Variants in PCDH9 observed in about 807,000 individuals in gnomAD.
PCDH9 encodes protocadherin 9, also known as protocadherin-9.
A neutral mutation model predicts 70.6 loss-of-function variants in PCDH9; 24 were observed. The ratio of observed to expected loss-of-function variants is 0.34; its 90% CI spans 0.25 to 0.48. PCDH9 has a LOEUF of 0.48. Among genes scored for constraint, PCDH9 ranks in the 20% least tolerant of loss-of-function variants. The pLI is 0.99. For missense variants in PCDH9, 1,281 were observed against 1,503.6 expected (o/e 0.85, Z 2.45); for synonymous variants, 562 against 558.5 (o/e 1.01, Z -0.09).
intron 2 of PCDH9, among the ~76,000 whole-genome samples, chr13:66,955,868 G>A (rs1566318595): frequency 3.9e-5 from 6 of 152,120 alleles, no homozygotes. Context: ...AGGTGTGGTG[G>A]CTCACTTCAG....
chr13:66,755,478 T>C (rs2079526073), intron 3 of PCDH9, among the ~76,000 whole-genome samples: 1 of 152,196 alleles, frequency 6.6e-6, no homozygotes, highest in Admixed American at 6.5e-5. Flanking sequence ...AAATTCATTA[T>C]CTTTCCACTG....
chr13:66,874,143 G>A (rs2081753132), intron 3 of PCDH9, among the ~76,000 whole-genome samples: 1 of 151,682 alleles, frequency 6.6e-6, no homozygotes, highest in Non-Finnish European at 1.5e-5. Context: ...ATTTCTCCAT[G>A]AAATTTCTTA....
At chr13:66,969,340 A>G (rs773882996) in intron 2 of PCDH9, among the ~76,000 whole-genome samples, 16 of 152,098 alleles carry the variant, frequency 1.1e-4, no homozygotes, top group Non-Finnish European at 2.1e-4. Flanking sequence ...ATATGTGGAC[A>G]CTTTCCATTT....
At chr13:66,561,328 C>T (rs139787323) in intron 4 of PCDH9, among the ~76,000 whole-genome samples, 5 of 152,314 alleles carry the variant, frequency 3.3e-5, no homozygotes, top group South Asian at 2.1e-4. Context: ...GCTCCTGTGC[C>T]GCCCGAGCCT....
At chr13:66,415,848 A>C (rs914147107) in intron 4 of PCDH9, among the ~76,000 whole-genome samples, 3 of 152,206 alleles carry the variant, frequency 2.0e-5, no homozygotes, top group Non-Finnish European at 4.4e-5. Context: ...TATGATTGTT[A>C]TATTAATGTA....
chr13:66,726,144 G>C (rs1234760533), intron 3 of PCDH9, among the ~76,000 whole-genome samples: 1 of 152,112 alleles, frequency 6.6e-6, no homozygotes, highest in Non-Finnish European at 1.5e-5. Flanking sequence ...AGAGAGAAGG[G>C]AGAAAGAGGA....
chr13:66,965,214 A>G (rs895356239), intron 2 of PCDH9, among the ~76,000 whole-genome samples: 1 of 152,142 alleles, frequency 6.6e-6, no homozygotes, highest in Non-Finnish European at 1.5e-5. Context: ...GAAACTGGAA[A>G]CTTACATCAT....
intron 4 of PCDH9, among the ~76,000 whole-genome samples, chr13:66,429,917 T>G (rs769474544): frequency 4.6e-5 from 7 of 152,002 alleles, no homozygotes; most frequent in South Asian, 2.1e-4. Context: ...CCAGTGAGAA[T>G]ATACCTTTAT....
intron 3 of PCDH9, among the ~76,000 whole-genome samples, chr13:66,845,995 C>T (rs559938506): frequency 4.7e-4 from 72 of 151,788 alleles, no homozygotes; most frequent in Non-Finnish European, 8.8e-4. Flanking sequence ...GGGATCAGTA[C>T]AATGATAGCT....
chr13:66,363,374 T>A (rs1208037692), intron 4 of PCDH9, among the ~76,000 whole-genome samples: 1 of 152,156 alleles, frequency 6.6e-6, no homozygotes. Context: ...AAGTTAAAAT[T>A]AAGATTGTCC....
At chr13:67,024,640 G>T (rs1426809346) in intron 2 of PCDH9, among the ~76,000 whole-genome samples, 7 of 151,916 alleles carry the variant, frequency 4.6e-5, no homozygotes, top group Non-Finnish European at 8.8e-5. Flanking sequence ...CTGGTAGCTT[G>T]AAATTGGCCA....
intron 4 of PCDH9, among the ~76,000 whole-genome samples, chr13:66,530,393 A>G (rs1932883): frequency 0.24 from 35,987 of 151,954 alleles, 4,722 homozygotes; most frequent in South Asian, 0.34. Flanking sequence ...TGCTTTCAGT[A>G]TTAGATATCA....
intron 4 of PCDH9, among the ~76,000 whole-genome samples, chr13:66,319,478 G>C (rs1407696817): frequency 6.6e-6 from 1 of 150,988 alleles, no homozygotes; most frequent in Non-Finnish European, 1.5e-5. Context: ...GAGGTGCCAT[G>C]GCTTGAGCAT....
At chr13:66,571,525 T>A (rs547570238) in intron 4 of PCDH9, among the ~76,000 whole-genome samples, 1 of 152,206 alleles carries the variant, frequency 6.6e-6, no homozygotes, top group Non-Finnish European at 1.5e-5. Context: ...AATGTTCTTT[T>A]TTTTTTAACA....
At chr13:66,886,344 C>T (rs1322543122) in intron 3 of PCDH9, among the ~76,000 whole-genome samples, 3 of 152,094 alleles carry the variant, frequency 2.0e-5, no homozygotes, top group Non-Finnish European at 2.9e-5. Flanking sequence ...CAACCTCCCG[C>T]GCAAAACAAG....
intron 2 of PCDH9, among the ~76,000 whole-genome samples, chr13:66,985,180 G>A (rs1175772602): frequency 4.6e-5 from 7 of 151,964 alleles, no homozygotes; most frequent in Non-Finnish European, 1.0e-4. Context: ...CCTATTGCAA[G>A]ATAAAATTCT....
intron 3 of PCDH9, among the ~76,000 whole-genome samples, chr13:66,839,616 C>A (rs1014372941): frequency 1.3e-5 from 2 of 152,188 alleles, no homozygotes; most frequent in African/African-American, 4.8e-5. Context: ...TCCACTTCTG[C>A]ATTTTCAGAT....
At chr13:67,129,842 A>T (rs2087067543) in intron 2 of PCDH9, among the ~76,000 whole-genome samples, 1 of 152,032 alleles carries the variant, frequency 6.6e-6, no homozygotes, top group Non-Finnish European at 1.5e-5. Context: ...CACAATTCCT[A>T]TTAAAGCCTT....
At chr13:66,563,799 T>A (rs2076611554) in intron 4 of PCDH9, among the ~76,000 whole-genome samples, 1 of 152,202 alleles carries the variant, frequency 6.6e-6, no homozygotes, top group South Asian at 2.1e-4. Flanking sequence ...TGGAGAGTGA[T>A]TCCTTATCTA....
Sources: gnomAD v4.1 joint callset for allele counts (sites outside exome capture counted in the v4.1 genomes callset) on GRCh38, gnomAD v4.1.1 for gene constraint, MANE v1.5 for transcripts, NCBI Gene and HGNC (gene_info 2026-07-23, HGNC 2026-07-21) for gene names.